The following TSHZ2 variants were observed in gnomAD, a reference collection of about 807,000 sequenced individuals.
TSHZ2 encodes teashirt homolog 2.
TSHZ2 carries 21 observed loss-of-function variants against 74.4 expected under a neutral mutation model. The observed-to-expected ratio is 0.28, with a 90% CI of 0.20 to 0.41. The LOEUF (loss-of-function observed/expected upper bound fraction) is 0.41, where lower values mean the gene tolerates loss of function less well. Ranked by LOEUF, TSHZ2 falls within the 10% of genes least tolerant of loss-of-function variation. The pLI, the probability that TSHZ2 is intolerant of heterozygous loss-of-function variation, is 1.00. For missense variants in TSHZ2, 1,244 were observed against 1,293.5 expected, an observed-to-expected ratio of 0.96 and a Z score of 0.59; for synonymous variants, 540 against 515.3, an observed-to-expected ratio of 1.05 and a Z score of -0.65.
At chr20:53,008,800 A>C (rs547626635) in intron 1 of TSHZ2, among the ~76,000 whole-genome samples, 11 of 152,296 alleles carry the variant, frequency 7.2e-5, no homozygotes, top group African/African-American at 2.6e-4. Flanking sequence ...CAAGACCTCC[A>C]GTAGATGCCT....
At chr20:53,425,804 T>G (rs560642390) in intron 2 of TSHZ2, among the ~76,000 whole-genome samples, 20 of 151,270 alleles carry the variant, frequency 1.3e-4, no homozygotes, top group African/African-American at 4.7e-4. Context: ...TTCTTTTGTT[T>G]TTTTTTTTCT....
At chr20:53,308,878 G>A (rs1028773470) in intron 2 of TSHZ2, among the ~76,000 whole-genome samples, 3 of 152,234 alleles carry the variant, frequency 2.0e-5, no homozygotes, top group East Asian at 1.9e-4. Flanking sequence ...GCACCTGGGA[G>A]GGCTTCATGG....
At chr20:52,999,115 CTCTTCACTGCCACATTCCAA>C (rs547065086) in intron 1 of TSHZ2, among the ~76,000 whole-genome samples, 496 of 93,284 alleles carry the variant, frequency 5.3e-3, no homozygotes, top group Non-Finnish European at 0.01. Context: ...CCACATTCCA[CTCTTCACTGCCACATTCCAA>C]GACCCATGAG....
rs549469436 is a variant in TSHZ2, at chr20:53,035,507, C to T, written c.40+62174C>T. ...GAAATTAAATGCAAACCAGTACACACCAGATGCAAGATAGGAATCAAGAAA... is the reference window on the plus strand; with the variant it reads ...GAAATTAAATGCAAACCAGTACACATCAGATGCAAGATAGGAATCAAGAAA... On this transcript the variant is annotated intron_variant, in intron 1 of 2. Transcript: ENST00000371497. 4.3e-4 allele frequency among the ~76,000 whole-genome samples: 65 copies of T among 152,198 alleles called. 1 individual carries two copies. In the South Asian group the frequency reaches 0.012, roughly 27 times the overall value.
At chr20:53,289,698 T>A (rs1991244490) in intron 2 of TSHZ2, among the ~76,000 whole-genome samples, 1 of 152,204 alleles carries the variant, frequency 6.6e-6, no homozygotes, top group Non-Finnish European at 1.5e-5. Context: ...GAAAGGGATG[T>A]CTGAGCTGAG....
chr20:53,160,745 C>CAAAA lies in TSHZ2; in HGVS notation c.41-92739_41-92736dup, dbSNP rs10653039. On this transcript the variant is annotated intron_variant, in intron 1 of 2. Transcript: ENST00000371497. ...GGGTGACAGGGCAAGACTCTGTCTC[C>CAAAA]AAAAAAAAAAAAAAAAAAGACATTT... Among the ~76,000 whole-genome samples, 28 of 95,828 alleles carry CAAAA rather than the reference C, an allele frequency of 2.9e-4. No homozygotes were observed. In the East Asian group the frequency reaches 3.6e-3, roughly 12 times the overall value. The allele number at this position is 95,828 out of a possible 152,430, so 62.9% of individuals were successfully genotyped here. A position where few individuals can be genotyped will look rare whatever the true frequency, so the allele number is the denominator to read the frequency against.
At chr20:53,082,626 C>T (rs150709939) in intron 1 of TSHZ2, among the ~76,000 whole-genome samples, 1 of 152,354 alleles carries the variant, frequency 6.6e-6, no homozygotes, top group East Asian at 1.9e-4. Context: ...CAAAGGACTT[C>T]TGTGCCCTGG....
intron 1 of TSHZ2, 74 bp downstream of exon 1, chr20:52,973,407 C>A (rs1175114181): frequency 2.0e-6 from 3 of 1,531,482 alleles, no homozygotes; most frequent in Non-Finnish European, 2.6e-6. Flanking sequence ...CCCCTGGGTG[C>A]CCGGGGGCAC....
intron 2 of TSHZ2, among the ~76,000 whole-genome samples, chr20:53,284,725 C>T: frequency 1.3e-5 from 2 of 151,186 alleles, no homozygotes; most frequent in Non-Finnish European, 2.9e-5. Context: ...TCCCCCCCAC[C>T]CCCATTGTGT....
At chr20:53,160,740 G>C (rs1230876748) in intron 1 of TSHZ2, among the ~76,000 whole-genome samples, 1 of 104,474 alleles carries the variant, frequency 9.6e-6, no homozygotes, top group African/African-American at 6.1e-5. Flanking sequence ...GCAAGACTCT[G>C]TCTCCAAAAA....
rs2747394 is a variant in TSHZ2 at position 53,050,282 on chromosome 20, C to T, written c.40+76949C>T. On this transcript the variant is annotated intron_variant, in intron 1 of 2. Coordinates refer to ENST00000371497, the MANE Select transcript of TSHZ2 (RefSeq NM_173485.6). ...TGGTATATTTAGTTGTTCTTACTAC[C>T]GCTGCCGATTTACTCTCACTGTTGC... 1.7e-3 allele frequency among the ~76,000 whole-genome samples: 256 copies of T among 151,210 alleles called. 1 individual carries two copies. The highest frequency in any genetic ancestry group is 0.014 in the Middle Eastern group (4 of 288).
chr20:52,982,322 G>A (rs147743373), intron 1 of TSHZ2, among the ~76,000 whole-genome samples: 4 of 152,256 alleles, frequency 2.6e-5, no homozygotes, highest in East Asian at 3.9e-4. Flanking sequence ...AATAGTCATA[G>A]CGAGTTGCCA....
intron 1 of TSHZ2, among the ~76,000 whole-genome samples, chr20:53,246,040 C>CTTTT (rs57243805): frequency 4.4e-4 from 57 of 130,482 alleles, no homozygotes; most frequent in African/African-American, 8.4e-4. Flanking sequence ...TTCTTTCTTT[C>CTTTT]TTTTTTTTTT....
intron 2 of TSHZ2, among the ~76,000 whole-genome samples, chr20:53,320,949 G>A (rs531533535): frequency 2.6e-4 from 40 of 152,296 alleles, no homozygotes; most frequent in African/African-American, 8.4e-4. Context: ...GCCCATGTAC[G>A]ATAAACTTTT....
intron 2 of TSHZ2, among the ~76,000 whole-genome samples, chr20:53,375,418 G>T (rs954894032): frequency 1.4e-4 from 22 of 152,282 alleles, no homozygotes; most frequent in Non-Finnish European, 2.8e-4. Flanking sequence ...AGGATGTGAG[G>T]GGTGATATGA....
At chr20:53,309,155 G>C (rs186667164) in intron 2 of TSHZ2, among the ~76,000 whole-genome samples, 1 of 152,202 alleles carries the variant, frequency 6.6e-6, no homozygotes, top group Non-Finnish European at 1.5e-5. Flanking sequence ...GACAGCCCAA[G>C]AGGTCTTGGG....
At chr20:53,046,336 A>G (rs1984228402) in intron 1 of TSHZ2, among the ~76,000 whole-genome samples, 1 of 152,144 alleles carries the variant, frequency 6.6e-6, no homozygotes, top group Non-Finnish European at 1.5e-5. Context: ...AACATCAGCC[A>G]TCATCTGGAC....
At chr20:53,429,821 TTG>T (rs145356694) in intron 2 of TSHZ2, among the ~76,000 whole-genome samples, 4 of 151,616 alleles carry the variant, frequency 2.6e-5, no homozygotes, top group Non-Finnish European at 4.4e-5. Flanking sequence ...GCATATTCAA[TTG>T]TGTGTGTGTG....
At chr20:53,089,801 G>T (rs1295023427) in intron 1 of TSHZ2, among the ~76,000 whole-genome samples, 1 of 152,210 alleles carries the variant, frequency 6.6e-6, no homozygotes, top group Non-Finnish European at 1.5e-5. Flanking sequence ...AATAGCAAGT[G>T]CCCAGACCCT....
Sources: allele counts gnomAD v4.1 joint callset (sites outside exome capture counted in the v4.1 genomes callset), GRCh38; gene constraint gnomAD v4.1.1; transcripts MANE v1.5; gene names NCBI Gene and HGNC (gene_info 2026-07-23, HGNC 2026-07-21).